The following RREB1 variants were observed in gnomAD, a reference collection of about 807,000 sequenced individuals.
The protein encoded by RREB1 is ras responsive element binding protein 1, also known as ras-responsive element-binding protein 1.
In RREB1, 27 loss-of-function variants were observed where a neutral mutation model predicts 117.8. The ratio of observed to expected loss-of-function variants is 0.23; its 90% CI spans 0.17 to 0.32. The LOEUF (loss-of-function observed/expected upper bound fraction) is 0.32, where lower values mean the gene tolerates loss of function less well. RREB1 is among the 10% of genes least tolerant of loss of function. RREB1 has a pLI of 1.00. For synonymous variants in RREB1, 1,298 were observed against 1,026.7 expected, an observed-to-expected ratio of 1.26 and a Z score of -5.05; for missense variants, 2,577 against 2,378.2, an observed-to-expected ratio of 1.08 and a Z score of -1.74.
chr6:7,144,783 A>G (rs1330504518), intron 1 of RREB1, among the ~76,000 whole-genome samples: 1 of 152,258 alleles, frequency 6.6e-6, no homozygotes, highest in Non-Finnish European at 1.5e-5. Context: ...TTAAGGCAGC[A>G]GTAAACATCT....
chr6:7,156,314 T>G (rs745673262), intron 1 of RREB1, among the ~76,000 whole-genome samples: 3 of 152,194 alleles, frequency 2.0e-5, no homozygotes, highest in Non-Finnish European at 2.9e-5. Flanking sequence ...TGTAGATAAT[T>G]GAGGTAAATC....
intron 1 of RREB1, among the ~76,000 whole-genome samples, chr6:7,108,429 C>T (rs1167947868): frequency 2.6e-5 from 4 of 152,054 alleles, no homozygotes; most frequent in African/African-American, 9.7e-5. Context: ...CCAGCAGGAC[C>T]TGATGCGCAT....
In RREB1 at chr6:7,248,781, C is replaced by A; in HGVS notation, c.5042C>A (p.Thr1681Asn). 1 of 1,613,964 alleles carries A rather than the reference C, an allele frequency of 6.2e-7. No homozygotes were observed. The highest frequency in any genetic ancestry group is 8.5e-7 in the Non-Finnish European group (1 of 1,179,970). ...CGGAAGGAGGGCTTGGCCAGTGCCA[C>A]CAAGGACTGCAGCCACAGGGAGGAG... Reference protein sequence around the residue: ...RSRKEGLASATKDCSHREEKV... With the variant: ...RSRKEGLASANKDCSHREEKV... The change falls in exon 13 of 13, where the codon ACC (threonine) becomes AAC (asparagine). Residue 1681 changes from threonine (T) to asparagine (N), a missense_variant. Thr to Asn is a moderately conservative substitution (Grantham distance 65). Coordinates refer to ENST00000379938, the MANE Select transcript of RREB1 (RefSeq NM_001003699.4).
In RREB1 at chr6:7,240,565, G is replaced by A; in HGVS notation, c.3936G>A (p.Gln1312=). The A allele has an allele frequency of 1.2e-6, 2 of 1,613,808 alleles. No homozygotes were observed. The highest frequency in any genetic ancestry group is 1.7e-6 in the Non-Finnish European group (2 of 1,179,876). Residue 1312 remains glutamine (Q), a synonymous_variant, in exon 11 of 13, where the codon CAG becomes CAA. Coordinates refer to ENST00000379938, the MANE Select transcript of RREB1 (RefSeq NM_001003699.4). ...TGAGAAGAAACGGGCTTATCCCCCA[G>A]TCAAAAGAGAGTGATGTTGGATCCC... ...CSLRRNGLIP[Q]SKESDVGSHD... is the part of the protein sequence containing the mutation.
At chr6:7,182,149 C>A (rs1379609443) in intron 4 of RREB1, 67 bp downstream of exon 4, 13 of 1,372,758 alleles carry the variant, frequency 9.5e-6, no homozygotes, top group Non-Finnish European at 1.3e-5. Context: ...GAGATGTTTC[C>A]GAGTTTCCTA....
intron 8 of RREB1, chr6:7,214,148 T>C (rs541520005): frequency 1.4e-4 from 22 of 152,398 alleles, no homozygotes; most frequent in African/African-American, 5.3e-4. Flanking sequence ...ATAGTTGGGA[T>C]GGGTAGGATT....
At chr6:7,135,016 A>G (rs1762293138) in intron 1 of RREB1, among the ~76,000 whole-genome samples, 1 of 152,240 alleles carries the variant, frequency 6.6e-6, no homozygotes, top group Non-Finnish European at 1.5e-5. Flanking sequence ...CCAGATTGTA[A>G]GAAACATTTG....
intron 1 of RREB1, among the ~76,000 whole-genome samples, chr6:7,170,430 C>T (rs9505055): frequency 0.05 from 7,658 of 152,222 alleles, 671 homozygotes; most frequent in African/African-American, 0.17. Flanking sequence ...GGAGGGTATC[C>T]GGGGCCACCA....
Position 7,231,468 on chromosome 6 carries a change from A to G in RREB1, c.3369A>G (p.Pro1123=). 1.2e-6 allele frequency: 2 copies of G among 1,613,024 alleles called. No individual in the cohort carries two copies. The highest frequency in any genetic ancestry group is 1.1e-5 in the South Asian group (1 of 91,040). The change falls in exon 10 of 13, where the codon CCA becomes CCG. Residue 1123 remains proline, a synonymous_variant. Coordinates refer to ENST00000379938, the MANE Select transcript of RREB1 (RefSeq NM_001003699.4). ...TTATPAATTS[P]KESSEPPAPA... ...CCACCCCCGCTGCCACCACCAGCCCAAAAGAGTCTAGTGAGCCTCCCGCTC... is the reference window on the plus strand; with the variant it reads ...CCACCCCCGCTGCCACCACCAGCCCGAAAGAGTCTAGTGAGCCTCCCGCTC...
intron 1 of RREB1, among the ~76,000 whole-genome samples, chr6:7,118,763 T>C (rs1761524778): frequency 6.6e-6 from 1 of 151,742 alleles, no homozygotes; most frequent in Non-Finnish European, 1.5e-5. Flanking sequence ...AGTCAGTTTT[T>C]CACCACCAAA....
At chr6:7,123,891 G>T (rs968988179) in intron 1 of RREB1, among the ~76,000 whole-genome samples, 2 of 152,154 alleles carry the variant, frequency 1.3e-5, no homozygotes, top group African/African-American at 4.8e-5. Context: ...GATTACAGGT[G>T]TGAGCCACCG....
At chr6:7,219,521 T>C (rs1168141811) in intron 8 of RREB1, among the ~76,000 whole-genome samples, 1 of 152,204 alleles carries the variant, frequency 6.6e-6, no homozygotes, top group Non-Finnish European at 1.5e-5. Context: ...GTTGGGTCTC[T>C]GTGACTTCAG....
chr6:7,238,404 T>C lies in RREB1; in HGVS notation c.3809-2034T>C, dbSNP rs1400215265. On this transcript the variant is annotated intron_variant, in intron 10 of 12. Transcript: ENST00000379938. Reference sequence around the variant, plus strand: ...GGTGTGCACCACCATGCCTAGCTAATTTTTGTATTTTTAGTAGAGATGGGG... The same window carrying C: ...GGTGTGCACCACCATGCCTAGCTAACTTTTGTATTTTTAGTAGAGATGGGG... 1.1e-4 allele frequency among the ~76,000 whole-genome samples: 16 copies of C among 152,192 alleles called. No individual in the cohort carries two copies. In the East Asian group the frequency reaches 2.9e-3, roughly 28 times the overall value.
intron 1 of RREB1, among the ~76,000 whole-genome samples, chr6:7,133,749 G>T (rs1292846724): frequency 1.3e-5 from 2 of 151,872 alleles, no homozygotes; most frequent in Non-Finnish European, 2.9e-5. Context: ...TGAACCCAAA[G>T]GAAAAAACAT....
chr6:7,164,031 G>A (rs952849059), intron 1 of RREB1, among the ~76,000 whole-genome samples: 1 of 152,062 alleles, frequency 6.6e-6, no homozygotes, highest in African/African-American at 2.4e-5. Flanking sequence ...TCCTGTGGCT[G>A]TAGGAGAGGG....
At chr6:7,119,420 A>G (rs1234117113) in intron 1 of RREB1, among the ~76,000 whole-genome samples, 2 of 152,154 alleles carry the variant, frequency 1.3e-5, no homozygotes, top group Non-Finnish European at 2.9e-5. Context: ...AAGTGCCACC[A>G]GTGTGTGGCC....
chr6:7,122,062 A>G (rs1761703596), intron 1 of RREB1, among the ~76,000 whole-genome samples: 1 of 152,198 alleles, frequency 6.6e-6, no homozygotes, highest in Non-Finnish European at 1.5e-5. Flanking sequence ...ATGGTCTCAC[A>G]TGAAAGTCTT....
chr6:7,209,996 A>G (rs937306538), intron 6 of RREB1, among the ~76,000 whole-genome samples: 4 of 152,232 alleles, frequency 2.6e-5, no homozygotes, highest in African/African-American at 9.6e-5. Flanking sequence ...AAAACTCACT[A>G]TTCATTTGTA....
chr6:7,247,924 G>T (rs1769192084), intron 12 of RREB1, among the ~76,000 whole-genome samples: 1 of 152,148 alleles, frequency 6.6e-6, no homozygotes, highest in Non-Finnish European at 1.5e-5. Flanking sequence ...GCTGCAGCCC[G>T]CAGTGAACAC....
Sources: allele counts gnomAD v4.1 joint callset (sites outside exome capture counted in the v4.1 genomes callset), GRCh38; gene constraint gnomAD v4.1.1; transcripts MANE v1.5; gene names NCBI Gene and HGNC (gene_info 2026-07-23, HGNC 2026-07-21).